RB1: variants seen among roughly 807,000 people sequenced by gnomAD.
RB1 encodes the protein retinoblastoma-associated protein.
A neutral mutation model predicts 135.4 loss-of-function variants in RB1; 18 were observed. That is an observed-to-expected ratio of 0.13 (90% confidence interval 0.09 to 0.20). The LOEUF is 0.20. RB1 is among the 10% of genes least tolerant of loss of function. RB1 has a pLI of 1.00. For missense variants in RB1, 868 were observed against 1,110.0 expected (o/e 0.78, Z 3.10); for synonymous variants, 365 against 373.2 (o/e 0.98, Z 0.25).
chr13:48,351,146 G>A lies in RB1; in HGVS notation c.607+2123G>A, dbSNP rs556883988. 3.2e-4 allele frequency among the ~76,000 whole-genome samples: 49 copies of A among 152,204 alleles called. 1 individual carries two copies. Among genetic ancestry groups the A allele is most frequent in the Admixed American group, 5.9e-4 (9 of 15,292 alleles). The stretch of plus-strand genomic sequence containing the variant: ...GGTAGTTCTGCTTTTAGCTCTTTGC[G>A]GAATTGTCAGACTGCTTTCTACAAT... On this transcript the variant is annotated intron_variant, in intron 6 of 26. Coordinates refer to ENST00000267163, the MANE Select transcript of RB1 (RefSeq NM_000321.3).
intron 2 of RB1, among the ~76,000 whole-genome samples, chr13:48,314,977 T>A (rs1408014579): frequency 6.6e-6 from 1 of 152,188 alleles, no homozygotes; most frequent in Non-Finnish European, 1.5e-5. Context: ...CTAGCTTTGG[T>A]CTTTTTGTGT....
chr13:48,451,576 T>A (rs1949327200), intron 17 of RB1, among the ~76,000 whole-genome samples: 1 of 151,994 alleles, frequency 6.6e-6, no homozygotes, highest in African/African-American at 2.4e-5. Context: ...TGGCCTGAAG[T>A]TTTCTTTTTT....
In RB1 at chr13:48,303,840, C is replaced by A. The variant is rs2138026578; in HGVS notation, c.-73C>A. The A allele has an allele frequency of 6.7e-7, 1 of 1,493,628 alleles. No individual in the cohort carries two copies. The highest frequency in any genetic ancestry group is 2.2e-5 in the Admixed American group (1 of 45,996). 92.5% of individuals were successfully genotyped at this position (1,493,628 alleles called of 1,614,324 possible). On this transcript the variant is annotated 5_prime_UTR_variant, in exon 1 of 27. Coordinates refer to ENST00000267163, the MANE Select transcript of RB1 (RefSeq NM_000321.3). ...GGGAGTCGGGAGAGGACGGGGCGTG[C>A]CCCGACGTGCGCGCGCGTCGTCCTC... is the stretch of plus-strand genomic sequence containing the variant.
At chr13:48,305,196 C>T (rs1165532051) in intron 1 of RB1, among the ~76,000 whole-genome samples, 2 of 152,148 alleles carry the variant, frequency 1.3e-5, no homozygotes, top group Non-Finnish European at 2.9e-5. Flanking sequence ...TCACCAAATC[C>T]TTTCACCCTC....
At position 48,411,777 on chromosome 13, in the gene RB1, G is replaced by A. The variant is rs753760344; in HGVS notation, c.1695+30334G>A. The A allele has an allele frequency of 8.7e-6, 14 of 1,611,330 alleles. No individual in the cohort carries two copies. In the South Asian group the frequency reaches 1.2e-4, roughly 14 times the overall value. Reference sequence around the variant, plus strand: ...TTTGTTTATTTTGCTTCTACTTAATGTAACAGGTTTGGTTAAAGTTTTTAG... The same window carrying A: ...TTTGTTTATTTTGCTTCTACTTAATATAACAGGTTTGGTTAAAGTTTTTAG... On this transcript the variant is annotated intron_variant, in intron 17 of 26. Coordinates refer to ENST00000267163, the MANE Select transcript of RB1 (RefSeq NM_000321.3).
chr13:48,412,160 A>G (rs1318676400), intron 17 of RB1: 1 of 1,614,006 alleles, frequency 6.2e-7, no homozygotes, highest in Admixed American at 1.7e-5. Context: ...AAATCTTACA[A>G]AGTAAATCTC....
chr13:48,465,562 G>A (rs1293320690), intron 23 of RB1, among the ~76,000 whole-genome samples, 194 bp downstream of exon 23: 13 of 152,190 alleles, frequency 8.5e-5, no homozygotes, highest in Admixed American at 8.5e-4. Flanking sequence ...AACGCAAGAT[G>A]GCCGAATAGG....
At chr13:48,365,598 TGAA>T (rs1566193657) in intron 9 of RB1, among the ~76,000 whole-genome samples, 1 of 152,170 alleles carries the variant, frequency 6.6e-6, no homozygotes, top group Non-Finnish European at 1.5e-5. Context: ...TGATAGATGA[TGAA>T]GAACAAAACC....
At chr13:48,421,508 T>C (rs992512272) in intron 17 of RB1, among the ~76,000 whole-genome samples, 2 of 152,066 alleles carry the variant, frequency 1.3e-5, no homozygotes, top group African/African-American at 4.8e-5. Flanking sequence ...AAAGCCAAAA[T>C]TGACAAATGG....
intron 3 of RB1, 127 bp downstream of exon 3, chr13:48,342,841 C>A: frequency 6.0e-6 from 4 of 669,016 alleles, no homozygotes; most frequent in East Asian, 2.7e-5. Flanking sequence ...GAACTTGGAC[C>A]AAATAGTGAA....
intron 18 of RB1, among the ~76,000 whole-genome samples, chr13:48,454,589 A>G (rs1296763717): frequency 1.3e-5 from 2 of 152,220 alleles, no homozygotes; most frequent in African/African-American, 2.4e-5. Flanking sequence ...GGCAATGAAC[A>G]AGTAAACCAA....
chr13:48,414,732 ATAATC>A (rs1948878281), intron 17 of RB1, among the ~76,000 whole-genome samples: 1 of 152,216 alleles, frequency 6.6e-6, no homozygotes, highest in Admixed American at 6.5e-5. Context: ...TTGATGAACT[ATAATC>A]TATTTCTACT....
rs994179550 is a variant in RB1, at chr13:48,306,583, A to T, written c.138-697A>T. 3.9e-5 allele frequency among the ~76,000 whole-genome samples: 6 copies of T among 152,152 alleles called. No homozygotes were observed. The East Asian group carries it at 1.2e-3, about 29-fold the overall frequency. ...TTCTCCAATTTGACAGACATCTGTAAATGTCTACTTTTACAGATGAGAATA... is the reference window on the plus strand; with the variant it reads ...TTCTCCAATTTGACAGACATCTGTATATGTCTACTTTTACAGATGAGAATA... On this transcript the variant is annotated intron_variant, in intron 1 of 26. Coordinates refer to ENST00000267163, the MANE Select transcript of RB1 (RefSeq NM_000321.3).
intron 17 of RB1, among the ~76,000 whole-genome samples, chr13:48,398,074 A>G (rs1275072375): frequency 2.0e-5 from 3 of 152,200 alleles, no homozygotes; most frequent in Non-Finnish European, 1.5e-5. Context: ...GGCCAGGACA[A>G]TGAAGCAGTA....
intron 2 of RB1, chr13:48,316,906 C>A: frequency 2.8e-6 from 1 of 360,764 alleles, no homozygotes; most frequent in South Asian, 3.8e-5. Flanking sequence ...CGCGGAGTGT[C>A]GCTGAAGTCA....
At chr13:48,314,857 G>A (rs1260671781) in intron 2 of RB1, among the ~76,000 whole-genome samples, 1 of 151,356 alleles carries the variant, frequency 6.6e-6, no homozygotes, top group East Asian at 1.9e-4. Flanking sequence ...ATTTATTATA[G>A]TCCTCATGTT....
At chr13:48,376,830 T>C in intron 12 of RB1, 88 bp from the exon 13 acceptor site, 8 of 1,588,862 alleles carry the variant, frequency 5.0e-6, no homozygotes, top group Non-Finnish European at 6.8e-6. Context: ...TTATGAACAA[T>C]TTAAAAAGTC....
rs1266167222 is a variant in RB1, at chr13:48,319,816, C to T, written c.264+12410C>T. On this transcript the variant is annotated intron_variant, in intron 2 of 26. Coordinates refer to ENST00000267163, the MANE Select transcript of RB1 (RefSeq NM_000321.3). This position sits in a 1 kb window ranked among gnomAD's most constrained non-coding sequence, Gnocchi z 5.0. ...AAGCTGTTCTATTTCCGCCTTAATGCTCTGCTCGAAGGAGTCGTTGCTGCT... is the reference window on the plus strand; with the variant it reads ...AAGCTGTTCTATTTCCGCCTTAATGTTCTGCTCGAAGGAGTCGTTGCTGCT... The T allele has an allele frequency of 6.4e-6, 2 of 311,266 alleles. No individual in the cohort carries two copies. Among genetic ancestry groups the T allele is most frequent in the South Asian group, 4.1e-5 (1 of 24,678 alleles). 19.3% of individuals were successfully genotyped at this position (311,266 alleles called of 1,614,324 possible).
chr13:48,418,781 AAAG>A (rs780106108), intron 17 of RB1, among the ~76,000 whole-genome samples: 3 of 152,206 alleles, frequency 2.0e-5, no homozygotes, highest in Non-Finnish European at 4.4e-5. Context: ...GAAGATCAAA[AAAG>A]ACAAGAAGGG....
Sources: gnomAD v4.1 joint callset for allele counts (sites outside exome capture counted in the v4.1 genomes callset) on GRCh38, gnomAD v4.1.1 for gene constraint, Gnocchi (gnomAD v3.1) non-coding constraint, MANE v1.5 for transcripts, NCBI Gene and HGNC (gene_info 2026-07-23, HGNC 2026-07-21) for gene names.